The following CSMD2 variants were observed in gnomAD, a reference collection of about 807,000 sequenced individuals.
CSMD2 encodes CUB and sushi domain-containing protein 2.
CSMD2 carries 130 observed loss-of-function variants against 398.5 expected under a neutral mutation model. The ratio of observed to expected loss-of-function variants is 0.33; its 90% CI spans 0.28 to 0.38. The LOEUF (loss-of-function observed/expected upper bound fraction) is 0.38, where lower values mean the gene tolerates loss of function less well. Ranked by LOEUF, CSMD2 falls within the 10% of genes least tolerant of loss-of-function variation. The pLI, the probability that CSMD2 is intolerant of heterozygous loss-of-function variation, is 1.00. For missense variants in CSMD2, 3,829 were observed against 4,764.9 expected (o/e 0.80, Z 5.78); for synonymous variants, 1,828 against 1,908.5 (o/e 0.96, Z 1.10).
chr1:34,116,714 C>T (rs918666011), intron 1 of CSMD2, among the ~76,000 whole-genome samples: 1 of 152,214 alleles, frequency 6.6e-6, no homozygotes, highest in Non-Finnish European at 1.5e-5. Context: ...GCGTATGAAA[C>T]ATTCTTCAAG....
intron 2 of CSMD2, among the ~76,000 whole-genome samples, chr1:34,045,932 G>A (rs989481859): frequency 6.6e-6 from 1 of 152,238 alleles, no homozygotes. Flanking sequence ...GTAATTTTGG[G>A]AAATGCACCA....
At chr1:33,643,445 C>G (rs1389243447) in intron 29 of CSMD2, among the ~76,000 whole-genome samples, 3 of 152,226 alleles carry the variant, frequency 2.0e-5, no homozygotes, top group Non-Finnish European at 4.4e-5. Flanking sequence ...AAATGCAATA[C>G]CAGTGACGTA....
At chr1:33,520,171 G>T (rs1375716080) in intron 68 of CSMD2, among the ~76,000 whole-genome samples, 2 of 152,204 alleles carry the variant, frequency 1.3e-5, no homozygotes, top group Non-Finnish European at 2.9e-5. Flanking sequence ...ACCTTGTGCT[G>T]CTCAGATGGC....
At chr1:33,681,825 G>A (rs1259207215) in intron 25 of CSMD2, among the ~76,000 whole-genome samples, 2 of 152,146 alleles carry the variant, frequency 1.3e-5, no homozygotes, top group Non-Finnish European at 2.9e-5. Flanking sequence ...AATTAGCCAG[G>A]TGTGGTGGCA....
intron 67 of CSMD2, among the ~76,000 whole-genome samples, chr1:33,522,314 G>A (rs1212941380): frequency 3.9e-5 from 6 of 152,212 alleles, no homozygotes; most frequent in African/African-American, 1.4e-4. Flanking sequence ...AGTAGCTCCA[G>A]CTGTTCCTGG....
At chr1:33,528,416 G>A (rs1332670576) in intron 64 of CSMD2, among the ~76,000 whole-genome samples, 6 of 152,232 alleles carry the variant, frequency 3.9e-5, no homozygotes, top group Non-Finnish European at 8.8e-5. Context: ...GCCTTGGCGG[G>A]GAGCACAGCT....
intron 43 of CSMD2, among the ~76,000 whole-genome samples, chr1:33,601,574 A>G (rs1640220425): frequency 6.6e-6 from 1 of 152,320 alleles, no homozygotes; most frequent in South Asian, 2.1e-4. Context: ...TTTGGAAGAG[A>G]ATTCCCCTAA....
chr1:33,876,651 G>A (rs1415882165), intron 5 of CSMD2, among the ~76,000 whole-genome samples: 1 of 152,296 alleles, frequency 6.6e-6, no homozygotes, highest in African/African-American at 2.4e-5. Flanking sequence ...AGGTCACACA[G>A]CTATCAAGTA....
In CSMD2 at chr1:33,533,515, A is replaced by G. The variant is rs1387589352; in HGVS notation, c.9991+281T>C. Among the ~76,000 whole-genome samples, 2 of 152,152 alleles carry G rather than the reference A, an allele frequency of 1.3e-5. No homozygotes were observed. Among genetic ancestry groups the G allele is most frequent in the African/African-American group, 2.4e-5 (1 of 41,424 alleles). Reference sequence around the variant, plus strand: ...AAGGAGTAACTGGGTCAAAAGCTTGATATCTCCATCCTGAGGCCTGGCCTT... The same window carrying G: ...AAGGAGTAACTGGGTCAAAAGCTTGGTATCTCCATCCTGAGGCCTGGCCTT... On this transcript the variant is annotated intron_variant, in intron 63 of 70. Transcript: ENST00000373381. The surrounding 1 kb of genome is among the most constrained non-coding windows in gnomAD (Gnocchi z 4.2).
At chr1:34,037,812 G>T (rs773833980) in intron 2 of CSMD2, among the ~76,000 whole-genome samples, 1 of 152,014 alleles carries the variant, frequency 6.6e-6, no homozygotes, top group Non-Finnish European at 1.5e-5. Context: ...CTTAGTTCCA[G>T]TATATTTTTG....
Position 34,165,202 on chromosome 1 carries a change from C to G in CSMD2, c.-105G>C. The G allele has an allele frequency of 8.6e-7, 1 of 1,163,244 alleles. No homozygotes were observed. The highest frequency in any genetic ancestry group is 1.1e-6 in the Non-Finnish European group (1 of 944,264). The allele number at this position is 1,163,244 out of a possible 1,614,324, so 72.1% of individuals were successfully genotyped here. A position where few individuals can be genotyped will look rare whatever the true frequency, so the allele number is the denominator to read the frequency against. Reference sequence around the variant, plus strand: ...TCTGCTCGGAAAAAATCCCGGTACGCGGGAGCCCTGAGCTTCTGCGGCTGG... The same window carrying G: ...TCTGCTCGGAAAAAATCCCGGTACGGGGGAGCCCTGAGCTTCTGCGGCTGG... On this transcript the variant is annotated 5_prime_UTR_variant, in exon 1 of 71. Transcript: ENST00000373381.
At chr1:34,040,414 CT>C (rs1651718709) in intron 2 of CSMD2, among the ~76,000 whole-genome samples, 1 of 152,072 alleles carries the variant, frequency 6.6e-6, no homozygotes, top group Non-Finnish European at 1.5e-5. Context: ...CATCCCTTTT[CT>C]TTTCTTTTCT....
chr1:33,611,177 A>G lies in CSMD2; in HGVS notation c.6207T>C (p.Tyr2069=). The change falls in exon 41 of 71, where the codon TAT becomes TAC. Residue 2069 remains tyrosine, a synonymous_variant. Coordinates refer to ENST00000373381, the MANE Select transcript of CSMD2 (RefSeq NM_001281956.2). ...HDYIEIRNGP[Y]ETSRMMGRFS... ...ATCTTCCCATCATGCGGCTGGTCTC[A>G]TAGGGGCCATTCCGGATTTCTATGT... 1.2e-6 allele frequency: 2 copies of G among 1,613,966 alleles called. No individual in the cohort carries two copies. Among genetic ancestry groups the G allele is most frequent in the South Asian group, 1.1e-5 (1 of 91,056 alleles).
intron 10 of CSMD2, among the ~76,000 whole-genome samples, chr1:33,806,798 C>G (rs1164483664): frequency 6.6e-6 from 1 of 152,096 alleles, no homozygotes; most frequent in Admixed American, 6.6e-5. Context: ...ATGGATTTAA[C>G]AGAGGCTGGA....
In CSMD2 at chr1:33,616,949, G is replaced by C. The variant is rs200149093; in HGVS notation, c.5973C>G (p.Pro1991=). ...GGTAGTTCCATCGCCGCACTGTTCCGGGCATGCAGGAGATGTGGGCGTGGC... is the reference window on the plus strand; with the variant it reads ...GGTAGTTCCATCGCCGCACTGTTCCCGGCATGCAGGAGATGTGGGCGTGGC... ...LQGHAHISCM[P]GTVRRWNYPP... is the part of the protein sequence containing the mutation. Residue 1991 remains proline, a synonymous_variant, in exon 39 of 71, where the codon CCC becomes CCG. Coordinates refer to ENST00000373381, the MANE Select transcript of CSMD2 (RefSeq NM_001281956.2). 1 of 1,614,146 alleles carries C rather than the reference G, an allele frequency of 6.2e-7. No homozygotes were observed. The highest frequency in any genetic ancestry group is 8.5e-7 in the Non-Finnish European group (1 of 1,180,010).
At chr1:34,112,547 C>T (rs189300163) in intron 1 of CSMD2, among the ~76,000 whole-genome samples, 81 of 152,332 alleles carry the variant, frequency 5.3e-4, no homozygotes, top group Admixed American at 2.4e-3. Context: ...ACTTCCAATA[C>T]TAGCCTTCTT....
intron 2 of CSMD2, among the ~76,000 whole-genome samples, chr1:34,065,903 C>T (rs1655055676): frequency 6.6e-6 from 1 of 152,132 alleles, no homozygotes; most frequent in Non-Finnish European, 1.5e-5. Context: ...GAGTCCCTGG[C>T]TGTCATCAGA....
chr1:33,727,701 T>C (rs1369559574), intron 15 of CSMD2, among the ~76,000 whole-genome samples: 1 of 152,162 alleles, frequency 6.6e-6, no homozygotes, highest in Non-Finnish European at 1.5e-5. Context: ...GGCCCCTAAG[T>C]GACTCTAAGG....
rs769909321 is a variant in CSMD2 at position 33,595,504 on chromosome 1, G to T, written c.6856+5361C>A. Among the ~76,000 whole-genome samples, 41 of 152,272 alleles carry T rather than the reference G, an allele frequency of 2.7e-4. 1 individual carries two copies. The highest frequency in any genetic ancestry group is 1.1e-3 in the Admixed American group (17 of 15,302). The stretch of plus-strand genomic sequence containing the variant: ...AGTGGGGTGGGGGAAGGGGTAGTTT[G>T]AAGTTATGTAAATATCCCCTTCCTT... On this transcript the variant is annotated intron_variant, in intron 44 of 70. Transcript: ENST00000373381.
Sources: gnomAD v4.1 joint callset for allele counts (sites outside exome capture counted in the v4.1 genomes callset) on GRCh38, gnomAD v4.1.1 for gene constraint, Gnocchi (gnomAD v3.1) non-coding constraint, MANE v1.5 for transcripts, NCBI Gene and HGNC (gene_info 2026-07-23, HGNC 2026-07-21) for gene names.